PHF10: variants seen among roughly 807,000 people sequenced by gnomAD.
PHF10 encodes BRG1-associated factor 45a.
Under a neutral mutation model 68.5 loss-of-function variants are expected in PHF10, and 51 were observed. That is an observed-to-expected ratio of 0.74 (90% confidence interval 0.59 to 0.94). The LOEUF is 0.94. Ranked by LOEUF, PHF10 falls within the 40% of genes least tolerant of loss-of-function variation. The pLI, the probability that PHF10 is intolerant of heterozygous loss-of-function variation, is 0.00. For synonymous variants in PHF10, 204 were observed against 203.5 expected (o/e 1.00, Z -0.02); for missense variants, 460 against 602.6 (o/e 0.76, Z 2.48).
chr6:169,722,529 A>G (rs1385402345), intron 1 of PHF10, among the ~76,000 whole-genome samples: 3 of 152,270 alleles, frequency 2.0e-5, no homozygotes, highest in African/African-American at 7.2e-5. Context: ...CAAAGTGCTC[A>G]AAAAAGCTGA....
chr6:169,707,705 A>C (rs539007841), intron 9 of PHF10: 6 of 152,316 alleles, frequency 3.9e-5, no homozygotes, highest in Admixed American at 3.9e-4. Flanking sequence ...TAAAATATAC[A>C]TTAAACACCT....
intron 9 of PHF10, chr6:169,709,262 G>T (rs1788875118): frequency 6.6e-6 from 1 of 152,110 alleles, no homozygotes; most frequent in South Asian, 2.1e-4. Flanking sequence ...CACAATCACA[G>T]TTCTGACATA....
In PHF10 at chr6:169,721,072, A is replaced by G. The variant is rs1226668285; in HGVS notation, c.127T>C (p.Ser43Pro). The change falls in exon 2 of 12, where the codon TCC becomes CCC. Residue 43 changes from serine to proline, a missense_variant. Ser to Pro is a moderately conservative substitution (Grantham distance 74). Around this residue, in one of 3 missense-constraint regions of PHF10, gnomAD observed 93 missense variants for 82.4 expected, o/e 1.13. Transcript: ENST00000339209. Reference protein sequence around the residue: ...EDNSNDGTQPSKRRRMGSGDS... With the variant: ...EDNSNDGTQPPKRRRMGSGDS... ...CCTGAGCCCATTCGCCTCCTTTTGG[A>G]TGGCTGGGTCCCATCATTTGAATTA... The G allele has an allele frequency of 6.5e-7, 1 of 1,546,260 alleles. No individual in the cohort carries two copies. The highest frequency in any genetic ancestry group is 2.4e-5 in the East Asian group (1 of 40,888).
intron 3 of PHF10, 82 bp from the exon 4 acceptor site, chr6:169,717,988 A>AT (rs1289765055): frequency 5.4e-5 from 32 of 596,324 alleles, no homozygotes; most frequent in Non-Finnish European, 7.1e-5. Context: ...AAAAACCTTG[A>AT]CTTTTTAAAG....
At chr6:169,716,487 G>A (rs1400863735) in intron 4 of PHF10, among the ~76,000 whole-genome samples, 1 of 150,380 alleles carries the variant, frequency 6.6e-6, no homozygotes, top group African/African-American at 2.5e-5. Context: ...CCATACACAA[G>A]AAATATTACA....
At position 169,715,847 on chromosome 6, in the gene PHF10, T is replaced by C. The variant is rs1789034795; in HGVS notation, c.554A>G (p.Gln185Arg). The C allele has an allele frequency of 6.2e-7, 1 of 1,608,584 alleles. No individual in the cohort carries two copies. The highest frequency in any genetic ancestry group is 8.5e-7 in the Non-Finnish European group (1 of 1,177,584). The change falls in exon 6 of 12, where the codon CAA becomes CGA. Residue 185 changes from glutamine to arginine, a missense_variant. Gln to Arg is a conservative substitution (Grantham distance 43, BLOSUM62 1). This residue lies in a region of PHF10 where 256 missense variants were observed against 410.5 expected (regional missense o/e 0.62). Coordinates refer to ENST00000339209, the MANE Select transcript of PHF10 (RefSeq NM_018288.4). ...GGCTTCAACTTTCTGAGTATTCTGT[T>C]GTTGCATTTGCTGGAAAAAAAAAAT... is the stretch of plus-strand genomic sequence containing the variant. The part of the protein sequence containing the change: ...DHYKEYSQMQ[Q>R]QNTQKVEASK...
Position 169,717,911 on chromosome 6 carries a change from A to C in PHF10, c.326-5T>G. 7.1e-7 allele frequency: 1 copy of C among 1,410,716 alleles called. No individual in the cohort carries two copies. The highest frequency in any genetic ancestry group is 9.8e-7 in the Non-Finnish European group (1 of 1,016,218). The allele number at this position is 1,410,716 out of a possible 1,614,324, so 87.4% of individuals were successfully genotyped here. A position where few individuals can be genotyped will look rare whatever the true frequency, so the allele number is the denominator to read the frequency against. On this transcript the variant is annotated splice_polypyrimidine_tract_variant and splice_region_variant and intron_variant, in intron 3 of 11. Coordinates refer to ENST00000339209, the MANE Select transcript of PHF10 (RefSeq NM_018288.4). ...ACAAATCTCGTCGCTCTAAATCTCC[A>C]AAAAAAAGATCAAAAGACTATTAAA...
At chr6:169,712,346 G>T in intron 8 of PHF10, 40 bp downstream of exon 8, 1 of 1,572,430 alleles carries the variant, frequency 6.4e-7, no homozygotes, top group Non-Finnish European at 8.7e-7. Flanking sequence ...AAAATTCAAA[G>T]AGAAAGGAAA....
intron 7 of PHF10, among the ~76,000 whole-genome samples, chr6:169,714,253 T>G (rs1261871577): frequency 6.6e-6 from 1 of 152,248 alleles, no homozygotes; most frequent in African/African-American, 2.4e-5. Flanking sequence ...GGCACCCAGT[T>G]GCCCATGCCT....
chr6:169,705,386 A>G (rs1788746340), intron 10 of PHF10, 65 bp from the exon 11 acceptor site: 1 of 1,148,626 alleles, frequency 8.7e-7, no homozygotes, highest in Non-Finnish European at 1.3e-6. Flanking sequence ...GGCACATAAA[A>G]TACTAGTTTG....
At chr6:169,720,848 G>A (rs1222635239) in intron 2 of PHF10, among the ~76,000 whole-genome samples, 157 bp downstream of exon 2, 2 of 152,100 alleles carry the variant, frequency 1.3e-5, no homozygotes, top group Non-Finnish European at 2.9e-5. Flanking sequence ...ATTACACTCA[G>A]TAGCAAGACC....
intron 1 of PHF10, among the ~76,000 whole-genome samples, chr6:169,723,086 A>C (rs2128331877): frequency 6.6e-6 from 1 of 152,356 alleles, no homozygotes; most frequent in East Asian, 1.9e-4. Context: ...GCCAACGCGC[A>C]CACGGCACAC....
At chr6:169,709,306 T>C (rs1002273002) in intron 9 of PHF10, 6 of 131,028 alleles carry the variant, frequency 4.6e-5, no homozygotes, top group Admixed American at 1.4e-4. Flanking sequence ...GGCAAAACTT[T>C]CTCATCAGCT....
chr6:169,722,668 A>G (rs1357097948), intron 1 of PHF10, among the ~76,000 whole-genome samples: 1 of 152,184 alleles, frequency 6.6e-6, no homozygotes, highest in Non-Finnish European at 1.5e-5. Context: ...ATTGTTCCCA[A>G]TACATGACGG....
chr6:169,718,332 A>G (rs760866918), intron 3 of PHF10, among the ~76,000 whole-genome samples: 10 of 152,148 alleles, frequency 6.6e-5, no homozygotes, highest in African/African-American at 1.2e-4. Context: ...GCCATAGAAA[A>G]TATCAATAAT....
Position 169,717,853 on chromosome 6 carries a change from T to A in PHF10, c.379A>T (p.Asn127Tyr). 1 of 1,563,170 alleles carries A rather than the reference T, an allele frequency of 6.4e-7. No individual in the cohort carries two copies. The highest frequency in any genetic ancestry group is 8.8e-7 in the Non-Finnish European group (1 of 1,139,566). The change falls in exon 4 of 12, where the codon AAT becomes TAT. Residue 127 changes from asparagine to tyrosine, a missense_variant. By Grantham distance (143) the Asn-to-Tyr change is moderately radical. Transcript: ENST00000339209. ...HKEKLYLREL[N>Y]VITETQCTLG... ...GTGCACTGAGTTTCAGTAATGACATTTAGCTCTCTCAGGTAGAGTTTCTCC... is the reference window on the plus strand; with the variant it reads ...GTGCACTGAGTTTCAGTAATGACATATAGCTCTCTCAGGTAGAGTTTCTCC...
At chr6:169,716,203 A>C (rs1789043966) in intron 4 of PHF10, 115 bp from the exon 5 acceptor site, 2 of 532,328 alleles carry the variant, frequency 3.8e-6, no homozygotes, top group Admixed American at 7.4e-5. Flanking sequence ...GTTTTCCAAT[A>C]GCCAAAGCAA....
chr6:169,718,525 C>T (rs1462012780), intron 3 of PHF10, among the ~76,000 whole-genome samples: 1 of 152,088 alleles, frequency 6.6e-6, no homozygotes, highest in Non-Finnish European at 1.5e-5. Flanking sequence ...AAAAAATCTG[C>T]CACGCGTCGT....
At chr6:169,720,027 A>C (rs1789140327) in intron 2 of PHF10, among the ~76,000 whole-genome samples, 1 of 152,124 alleles carries the variant, frequency 6.6e-6, no homozygotes, top group Non-Finnish European at 1.5e-5. Flanking sequence ...CATGTCTCCA[A>C]AGAAGCTATA....
Sources: gnomAD v4.1 joint callset for allele counts (sites outside exome capture counted in the v4.1 genomes callset) on GRCh38, gnomAD v4.1.1 for gene constraint, gnomAD v4.1.1 regional missense constraint, MANE v1.5 for transcripts, NCBI Gene and HGNC (gene_info 2026-07-23, HGNC 2026-07-21) for gene names.